The following GRM8 variants were observed in gnomAD, a reference collection of about 807,000 sequenced individuals.
GRM8 encodes the protein metabotropic glutamate receptor 8.
A neutral mutation model predicts 87.2 loss-of-function variants in GRM8; 47 were observed. The ratio of observed to expected loss-of-function variants is 0.54; its 90% CI spans 0.43 to 0.69. The LOEUF (loss-of-function observed/expected upper bound fraction) is 0.69. Among genes scored for constraint, GRM8 ranks in the 30% least tolerant of loss-of-function variants. The pLI is 0.00. For missense variants in GRM8, 1,019 were observed against 1,139.2 expected (o/e 0.89, Z 1.52); for synonymous variants, 396 against 404.5 (o/e 0.98, Z 0.25).
intron 2 of GRM8, among the ~76,000 whole-genome samples, chr7:127,120,955 T>C (rs775838115): frequency 6.6e-6 from 1 of 152,226 alleles, no homozygotes; most frequent in Admixed American, 6.5e-5. Context: ...TATCAAGAGT[T>C]GAGTCAGTAA....
chr7:126,925,415 T>A (rs922464247), intron 3 of GRM8, among the ~76,000 whole-genome samples: 1 of 152,176 alleles, frequency 6.6e-6, no homozygotes, highest in African/African-American at 2.4e-5. Flanking sequence ...AAGCAATCTG[T>A]GGGAAAGCTG....
At chr7:127,018,148 A>G (rs1815875696) in intron 3 of GRM8, among the ~76,000 whole-genome samples, 1 of 151,954 alleles carries the variant, frequency 6.6e-6, no homozygotes, top group Non-Finnish European at 1.5e-5. Flanking sequence ...TAATTGTAAT[A>G]AATACGCAAA....
intron 6 of GRM8, among the ~76,000 whole-genome samples, chr7:126,850,682 C>T (rs182923463): frequency 8.5e-5 from 13 of 152,328 alleles, no homozygotes; most frequent in African/African-American, 2.9e-4. Flanking sequence ...AGCAAAGCTA[C>T]AACTGTAACT....
chr7:126,731,707 A>G (rs1286710064), intron 7 of GRM8, among the ~76,000 whole-genome samples: 1 of 152,082 alleles, frequency 6.6e-6, no homozygotes, highest in African/African-American at 2.4e-5. Flanking sequence ...AATTATTACA[A>G]TGATCATGGT....
At chr7:126,479,861 T>A (rs934670401) in intron 9 of GRM8, among the ~76,000 whole-genome samples, 1 of 152,074 alleles carries the variant, frequency 6.6e-6, no homozygotes, top group Non-Finnish European at 1.5e-5. Flanking sequence ...CTCTATCATA[T>A]TATAATCTCA....
At chr7:127,160,658 G>A (rs1793050374) in intron 2 of GRM8, among the ~76,000 whole-genome samples, 1 of 152,056 alleles carries the variant, frequency 6.6e-6, no homozygotes, top group African/African-American at 2.4e-5. Context: ...TCCCTTTTCT[G>A]GGGAGCTGTG....
intron 2 of GRM8, among the ~76,000 whole-genome samples, chr7:127,241,277 T>G (rs1232745563): frequency 3.3e-5 from 5 of 152,220 alleles, no homozygotes; most frequent in African/African-American, 1.2e-4. Flanking sequence ...GCCTCTGAGA[T>G]ATCTGCCAAG....
At chr7:126,719,001 A>G (rs1305094685) in intron 7 of GRM8, among the ~76,000 whole-genome samples, 1 of 152,204 alleles carries the variant, frequency 6.6e-6, no homozygotes, top group Non-Finnish European at 1.5e-5. Flanking sequence ...TCAATACTGC[A>G]TATTGTGGGA....
At chr7:126,727,468 C>A (rs1176396248) in intron 7 of GRM8, among the ~76,000 whole-genome samples, 1 of 152,012 alleles carries the variant, frequency 6.6e-6, no homozygotes, top group Non-Finnish European at 1.5e-5. Flanking sequence ...ATCTTAACAA[C>A]TCAATGGGAT....
chr7:127,015,173 A>G (rs1354340922), intron 3 of GRM8, among the ~76,000 whole-genome samples: 2 of 57,142 alleles, frequency 3.5e-5, no homozygotes, highest in African/African-American at 9.8e-5. Context: ...GGAGAAGGAG[A>G]AGGAGAAGAA....
intron 6 of GRM8, among the ~76,000 whole-genome samples, chr7:126,829,341 C>T (rs1441103373): frequency 7.4e-6 from 1 of 135,140 alleles, no homozygotes; most frequent in African/African-American, 2.9e-5. Context: ...GAGTCTAAGT[C>T]TCTTTGTAGG....
intron 6 of GRM8, among the ~76,000 whole-genome samples, chr7:126,856,709 G>A (rs1209176589): frequency 6.6e-6 from 1 of 152,200 alleles, no homozygotes; most frequent in Non-Finnish European, 1.5e-5. Context: ...ACAATGCTAA[G>A]TCATCACCTA....
chr7:127,156,915 CCAAA>C (rs1343395897), intron 2 of GRM8, among the ~76,000 whole-genome samples: 1 of 151,890 alleles, frequency 6.6e-6, no homozygotes, highest in African/African-American at 2.4e-5. Context: ...ATGGATACAA[CCAAA>C]CAATGATTGA....
At chr7:126,869,933 T>TTAA (rs1292608202) in intron 6 of GRM8, 5 of 77,260 alleles carry the variant, frequency 6.5e-5, no homozygotes, top group African/African-American at 2.4e-4. Context: ...CCTCATAGAT[T>TTAA]AAAAAAAAAA....
intron 3 of GRM8, among the ~76,000 whole-genome samples, chr7:126,999,959 A>ACAATAGC (rs982783587): frequency 2.6e-5 from 4 of 152,004 alleles, no homozygotes; most frequent in African/African-American, 9.6e-5. Context: ...AGCACTGTTC[A>ACAATAGC]CAATAGCCAA....
At chr7:126,541,661 G>A (rs1231399692) in intron 8 of GRM8, among the ~76,000 whole-genome samples, 1 of 152,222 alleles carries the variant, frequency 6.6e-6, no homozygotes, top group Non-Finnish European at 1.5e-5. Context: ...ACAGGAATCT[G>A]AGGAATGGCA....
chr7:127,157,723 T>A (rs1792827475), intron 2 of GRM8, among the ~76,000 whole-genome samples: 1 of 152,244 alleles, frequency 6.6e-6, no homozygotes, highest in African/African-American at 2.4e-5. Context: ...ATGATAAACA[T>A]AGCTACATGG....
intron 8 of GRM8, among the ~76,000 whole-genome samples, chr7:126,551,956 A>C (rs191599994): frequency 6.7e-4 from 102 of 152,236 alleles, no homozygotes; most frequent in African/African-American, 2.3e-3. Context: ...CTCTTTCCCA[A>C]TCTACCTTTT....
At chr7:126,525,887 T>C (rs1813743134) in intron 9 of GRM8, among the ~76,000 whole-genome samples, 1 of 152,204 alleles carries the variant, frequency 6.6e-6, no homozygotes, top group Non-Finnish European at 1.5e-5. Context: ...AGATTAAATT[T>C]CTTTTTACAT....
Sources: gnomAD v4.1 joint callset for allele counts (sites outside exome capture counted in the v4.1 genomes callset) on GRCh38, gnomAD v4.1.1 for gene constraint, MANE v1.5 for transcripts, NCBI Gene and HGNC (gene_info 2026-07-23, HGNC 2026-07-21) for gene names.